CD5: variants seen among roughly 807,000 people sequenced by gnomAD.
CD5 encodes the protein T-cell surface glycoprotein CD5.
In CD5, 36 loss-of-function variants were observed where a neutral mutation model predicts 60.3. The ratio of observed to expected loss-of-function variants is 0.60; its 90% confidence interval spans 0.46 to 0.79. The LOEUF (loss-of-function observed/expected upper bound fraction) is 0.79, where lower values mean the gene tolerates loss of function less well. CD5 is among the 30% of genes least tolerant of loss of function. The probability of loss-of-function intolerance (pLI) is 0.00; values close to 1 mark genes in which losing one functional copy is unlikely to be tolerated. For missense variants in CD5, 540 were observed against 630.6 expected, an observed-to-expected ratio of 0.86 and a Z score of 1.54; for synonymous variants, 230 against 257.6, an observed-to-expected ratio of 0.89 and a Z score of 1.03.
In CD5 at chr11:61,118,590, G is replaced by C. The variant is rs1181784828; in HGVS notation, c.400+110G>C. The C allele has an allele frequency of 8.6e-7, 1 of 1,156,606 alleles. No individual in the cohort carries two copies. The highest frequency in any genetic ancestry group is 2.4e-5 in the East Asian group (1 of 41,994). The allele number at this position is 1,156,606 out of a possible 1,614,324, so 71.6% of individuals were successfully genotyped here. A position where few individuals can be genotyped will look rare whatever the true frequency, so the allele number is the denominator to read the frequency against. On this transcript the variant is annotated intron_variant, in intron 3 of 10. Coordinates refer to ENST00000347785, the MANE Select transcript of CD5 (RefSeq NM_014207.4). This position sits in a 1 kb window ranked among gnomAD's most constrained non-coding sequence, Gnocchi z 4.7. ...GAGCAGGCTGGTGGAAGGGGTGGGG[G>C]GACCCCAGTTTATAACCACTCCCCA... is the stretch of plus-strand genomic sequence containing the variant.
In CD5 at chr11:61,118,543, C is replaced by A. The variant is rs1034033942; in HGVS notation, c.400+63C>A. 3.3e-6 allele frequency: 5 copies of A among 1,523,796 alleles called. No homozygotes were observed. The Admixed American group carries it at 5.2e-5, about 16-fold the overall frequency. The allele number at this position is 1,523,796 out of a possible 1,614,324, so 94.4% of individuals were successfully genotyped here. A position where few individuals can be genotyped will look rare whatever the true frequency, so the allele number is the denominator to read the frequency against. ...GGGCGCCAGCCCCGAGGAGACTGCC[C>A]GAGGCCTGTGATCTAGGGTCTGAGC... On this transcript the variant is annotated intron_variant, in intron 3 of 10. Coordinates refer to ENST00000347785, the MANE Select transcript of CD5 (RefSeq NM_014207.4). This position sits in a 1 kb window ranked among gnomAD's most constrained non-coding sequence, Gnocchi z 4.7.
chr11:61,123,066 A>G, intron 7 of CD5, 34 bp downstream of exon 7: 3 of 1,569,212 alleles, frequency 1.9e-6, no homozygotes, highest in Non-Finnish European at 2.6e-6. Flanking sequence ...CTCCGTTCCC[A>G]CGTGCAGAGA....
At chr11:61,097,654 T>A (rs1263618512), upstream of CD5, among the ~76,000 whole-genome samples, 1 of 152,108 alleles carries the variant, frequency 6.6e-6, no homozygotes, top group Admixed American at 6.5e-5. Flanking sequence ...CAACTGCCCA[T>A]AAAAACAGGT....
chr11:61,125,888 G>C, intron 10 of CD5, 47 bp downstream of exon 10: 1 of 1,342,274 alleles, frequency 7.5e-7, no homozygotes, highest in African/African-American at 1.5e-5. Context: ...GTCCCCCACA[G>C]TCCTGGGGGT....
In CD5 at chr11:61,118,292, G is replaced by C. The variant is rs1860994289; in HGVS notation, c.212G>C (p.Trp71Ser). 6.2e-7 allele frequency: 1 copy of C among 1,614,158 alleles called. No individual in the cohort carries two copies. The highest frequency in any genetic ancestry group is 1.7e-5 in the Admixed American group (1 of 60,014). ...AGCTGGGGCCGGAGCTCCAAGCAGT[G>C]GGAGGACCCCAGTCAAGCGTCAAAA... ...SQSWGRSSKQ[W>S]EDPSQASKVC... Residue 71 changes from tryptophan to serine, a missense_variant, in exon 3 of 11, where the codon TGG becomes TCG. Trp to Ser is a radical substitution (Grantham distance 177, BLOSUM62 -3). Transcript: ENST00000347785. This position sits in a 1 kb window ranked among gnomAD's most constrained non-coding sequence, Gnocchi z 4.7.
chr11:61,094,045 G>C, the CD5 span, among the ~76,000 whole-genome samples: 2 of 152,036 alleles, frequency 1.3e-5, no homozygotes, highest in African/African-American at 4.8e-5. Context: ...GGCTTGTCCT[G>C]CTACATTTCT....
rs150311989 is a variant in CD5, at chr11:61,121,859, G to C, written c.1054G>C (p.Glu352Gln). 3.8e-6 allele frequency: 6 copies of C among 1,567,196 alleles called. No homozygotes were observed. The highest frequency in any genetic ancestry group is 1.7e-4 in the Middle Eastern group (1 of 5,848). ...CCATCAGAAGCTGTCCCAGTGCCACGAACTTTGGGAGAGAAATTCCTACTG... is the reference window on the plus strand; with the variant it reads ...CCATCAGAAGCTGTCCCAGTGCCACCAACTTTGGGAGAGAAATTCCTACTG... ...CPHQKLSQCH[E>Q]LWERNSYCKK... The change falls in exon 6 of 11, where the codon GAA becomes CAA. Residue 352 changes from glutamate (E) to glutamine (Q), a missense_variant. Coordinates refer to ENST00000347785, the MANE Select transcript of CD5 (RefSeq NM_014207.4).
chr11:61,108,834 C>A (rs1860809893), intron 1 of CD5, among the ~76,000 whole-genome samples: 1 of 152,238 alleles, frequency 6.6e-6, no homozygotes, highest in South Asian at 2.1e-4. Context: ...ACCCCGTCTT[C>A]TGAGGCTCTA....
At chr11:61,112,643 C>A (rs79589566) in intron 1 of CD5, among the ~76,000 whole-genome samples, 5 of 148,744 alleles carry the variant, frequency 3.4e-5, no homozygotes, top group Admixed American at 1.3e-4. Flanking sequence ...GACTCTGTTT[C>A]AAAAAAAAAA....
In CD5 at chr11:61,118,525, A is replaced by C; in HGVS notation, c.400+45A>C. 2 of 1,576,052 alleles carry C rather than the reference A, an allele frequency of 1.3e-6. No homozygotes were observed. The highest frequency in any genetic ancestry group is 1.7e-6 in the Non-Finnish European group (2 of 1,155,102). On this transcript the variant is annotated intron_variant, in intron 3 of 10. Transcript: ENST00000347785. The surrounding 1 kb of genome is among the most constrained non-coding windows in gnomAD (Gnocchi z 4.7). Reference sequence around the variant, plus strand: ...CACGGGCACCCTGGGCCTGGGCGCCAGCCCCGAGGAGACTGCCCGAGGCCT... The same window carrying C: ...CACGGGCACCCTGGGCCTGGGCGCCCGCCCCGAGGAGACTGCCCGAGGCCT...
rs1467530844 is a variant in CD5 at position 61,126,589 on chromosome 11, C to G, written c.*304C>G. 6.6e-6 allele frequency: 1 copy of G among 152,238 alleles called. No individual in the cohort carries two copies. Among genetic ancestry groups the G allele is most frequent in the Non-Finnish European group, 1.5e-5 (1 of 68,080 alleles). The allele number at this position is 152,238 out of a possible 1,614,324, so 9.4% of individuals were successfully genotyped here. ...CCCCCTTTCCCTGCCCGCTGGGGAG[C>G]GGCGTCTCAGTGAAATCGGCTTTCT... is the stretch of plus-strand genomic sequence containing the variant. On this transcript the variant is annotated 3_prime_UTR_variant, in exon 11 of 11. Coordinates refer to ENST00000347785, the MANE Select transcript of CD5 (RefSeq NM_014207.4).
chr11:61,113,068 C>T (rs2134599816), intron 1 of CD5, among the ~76,000 whole-genome samples: 1 of 152,348 alleles, frequency 6.6e-6, no homozygotes, highest in East Asian at 1.9e-4. Context: ...GCCATTGGCC[C>T]AGCTAAACAC....
At chr11:61,117,927 T>A (rs1043004980) in intron 2 of CD5, among the ~76,000 whole-genome samples, 15 of 152,238 alleles carry the variant, frequency 9.9e-5, no homozygotes, top group Non-Finnish European at 1.9e-4. Context: ...TGCCCATTTA[T>A]CTGAGCTCCC....
upstream of CD5, among the ~76,000 whole-genome samples, chr11:61,098,633 C>G (rs1860614325): frequency 2.6e-5 from 4 of 152,284 alleles, no homozygotes; most frequent in South Asian, 8.3e-4. Flanking sequence ...CATGCAGCCC[C>G]CAGTCATGTA....
chr11:61,110,907 T>C (rs1412629509), intron 1 of CD5, among the ~76,000 whole-genome samples: 1 of 152,054 alleles, frequency 6.6e-6, no homozygotes, highest in Non-Finnish European at 1.5e-5. Context: ...GTGATGATGA[T>C]GGTGACGGTG....
rs1861013818 is a variant in CD5 at position 61,119,215 on chromosome 11, C to T, written c.464-19C>T. ...TCGGCGCTCAGGGTGGCTCCCCCTC[C>T]TGCTCTCTCCTCTCCTAGCTCCTCC... is the stretch of plus-strand genomic sequence containing the variant. On this transcript the variant is annotated intron_variant, in intron 4 of 10. Transcript: ENST00000347785. 9 of 1,562,894 alleles carry T rather than the reference C, an allele frequency of 5.8e-6. No homozygotes were observed. Among genetic ancestry groups the T allele is most frequent in the Non-Finnish European group, 7.8e-6 (9 of 1,155,922 alleles).
chr11:61,114,245 G>T (rs959515331), intron 1 of CD5, among the ~76,000 whole-genome samples: 1 of 150,594 alleles, frequency 6.6e-6, no homozygotes, highest in Admixed American at 6.6e-5. Flanking sequence ...CTTAAGTGCT[G>T]GGATTGCAGT....
upstream of CD5, chr11:61,102,275 G>C (rs989243787): frequency 1.0e-5 from 5 of 502,424 alleles, no homozygotes; most frequent in African/African-American, 7.8e-5. Context: ...GCCTTGTCCT[G>C]TGTGGGGGTG....
intron 1 of CD5, among the ~76,000 whole-genome samples, chr11:61,111,746 G>A (rs1314998039): frequency 6.6e-6 from 1 of 152,226 alleles, no homozygotes; most frequent in Non-Finnish European, 1.5e-5. Flanking sequence ...CCTGGACAGG[G>A]AATCTTCCCA....
Sources: allele counts gnomAD v4.1 joint callset (sites outside exome capture counted in the v4.1 genomes callset), GRCh38; gene constraint gnomAD v4.1.1; non-coding constraint Gnocchi (gnomAD v3.1); transcripts MANE v1.5; gene names NCBI Gene and HGNC (gene_info 2026-07-23, HGNC 2026-07-21).